Variants in PTK7 observed in about 807,000 individuals in gnomAD.
PTK7 encodes the protein inactive tyrosine-protein kinase 7.
In PTK7, 39 loss-of-function variants were observed where a neutral mutation model predicts 116.6. The ratio of observed to expected loss-of-function variants is 0.33; its 90% confidence interval spans 0.26 to 0.44. The LOEUF is 0.44. Ranked by LOEUF, PTK7 falls within the 20% of genes least tolerant of loss-of-function variation. PTK7 has a pLI of 1.00. For missense variants in PTK7, 1,169 were observed against 1,425.6 expected (o/e 0.82, Z 2.90); for synonymous variants, 546 against 563.6 (o/e 0.97, Z 0.44).
chr6:43,115,549 T>C (rs1030703660), intron 1 of PTK7, among the ~76,000 whole-genome samples: 1 of 152,150 alleles, frequency 6.6e-6, no homozygotes, highest in Non-Finnish European at 1.5e-5. Flanking sequence ...TCTGTTCCCC[T>C]TGTCTCCGGT....
intron 17 of PTK7, among the ~76,000 whole-genome samples, chr6:43,152,906 C>G (rs957938957): frequency 6.6e-6 from 1 of 151,676 alleles, no homozygotes; most frequent in African/African-American, 2.4e-5. Context: ...CTGCCTCGGC[C>G]CCCTGAGTAG....
intron 1 of PTK7, among the ~76,000 whole-genome samples, chr6:43,127,790 G>T (rs1469017300): frequency 6.6e-6 from 1 of 152,142 alleles, no homozygotes; most frequent in African/African-American, 2.4e-5. Flanking sequence ...TTAGCCAGGC[G>T]TGGTGGCGGG....
intron 7 of PTK7, among the ~76,000 whole-genome samples, chr6:43,135,062 G>A (rs530991851): frequency 1.2e-3 from 187 of 152,330 alleles, no homozygotes; most frequent in Non-Finnish European, 2.0e-3. Context: ...CCAGGTAGAT[G>A]TGTATTTAAC....
At chr6:43,159,636 A>G in intron 18 of PTK7, 152 bp from the exon 19 acceptor site, 1 of 737,646 alleles carries the variant, frequency 1.4e-6, no homozygotes, top group Non-Finnish European at 2.3e-6. Flanking sequence ...GTGTACTCCC[A>G]TGCTCAGCAC....
intron 1 of PTK7, among the ~76,000 whole-genome samples, chr6:43,095,631 G>A (rs1323623555): frequency 1.3e-5 from 2 of 152,246 alleles, no homozygotes; most frequent in Non-Finnish European, 2.9e-5. Flanking sequence ...TCTCCGCTTC[G>A]GTTGGCTTCC....
At chr6:43,078,093 A>G (rs1420940996) in intron 1 of PTK7, among the ~76,000 whole-genome samples, 3 of 152,246 alleles carry the variant, frequency 2.0e-5, no homozygotes, top group African/African-American at 2.4e-5. Flanking sequence ...GGTCTGCCCA[A>G]TGAGGCTGCC....
At chr6:43,140,469 AT>A (rs1266098835) in intron 10 of PTK7, among the ~76,000 whole-genome samples, 1 of 151,716 alleles carries the variant, frequency 6.6e-6, no homozygotes, top group South Asian at 2.1e-4. Flanking sequence ...AAAAAAAAAA[AT>A]ATTGGGAGAA....
In PTK7 at chr6:43,132,051, A is replaced by G. The variant is rs1769715280; in HGVS notation, c.848A>G (p.Asn283Ser). 4 of 1,614,060 alleles carry G rather than the reference A, an allele frequency of 2.5e-6. No homozygotes were observed. Among genetic ancestry groups the G allele is most frequent in the African/African-American group, 1.3e-5 (1 of 75,040 alleles). The change falls in exon 6 of 20, where the codon AAC becomes AGC. Residue 283 changes from asparagine to serine, a missense_variant. This residue lies in a region of PTK7 where 487 missense variants were observed against 549.8 expected (regional missense o/e 0.89). Coordinates refer to ENST00000230419, the MANE Select transcript of PTK7 (RefSeq NM_002821.5). ...PHLRRATVFA[N>S]GSLLLTQVRP... is the part of the protein sequence containing the mutation. ...CTCCGCAGAGCCACAGTGTTTGCCAACGGGTCTCTGCTGCTGACCCAGGTC... is the reference window on the plus strand; with the variant it reads ...CTCCGCAGAGCCACAGTGTTTGCCAGCGGGTCTCTGCTGCTGACCCAGGTC...
At chr6:43,153,749 A>T (rs1237824421) in intron 17 of PTK7, among the ~76,000 whole-genome samples, 4 of 152,090 alleles carry the variant, frequency 2.6e-5, no homozygotes, top group Non-Finnish European at 5.9e-5. Flanking sequence ...GTTTTAATTA[A>T]CTTAAAGCCA....
intron 1 of PTK7, among the ~76,000 whole-genome samples, chr6:43,110,378 C>T (rs890987937): frequency 1.3e-4 from 20 of 150,948 alleles, no homozygotes; most frequent in African/African-American, 4.4e-4. Context: ...AGAATTTTAG[C>T]AGGTTTTTTT....
chr6:43,159,741 G>A, intron 18 of PTK7, 47 bp from the exon 19 acceptor site: 1 of 1,596,566 alleles, frequency 6.3e-7, no homozygotes, highest in South Asian at 1.1e-5. Flanking sequence ...GCAGCGCCAG[G>A]CCACGCTCCC....
chr6:43,157,382 T>TC (rs1434256467), intron 17 of PTK7, among the ~76,000 whole-genome samples: 6 of 105,460 alleles, frequency 5.7e-5, no homozygotes, highest in African/African-American at 1.4e-4. Context: ...TTTTCTTTTT[T>TC]TTTTTTTTTT....
At chr6:43,114,352 GTC>G (rs370067302) in intron 1 of PTK7, among the ~76,000 whole-genome samples, 47 of 149,180 alleles carry the variant, frequency 3.2e-4, no homozygotes, top group African/African-American at 3.9e-4. Context: ...CTGTCTGTCT[GTC>G]TCTCTCTCTC....
rs536144922 is a variant in PTK7 at position 43,158,251 on chromosome 6, A to T, written c.2722-566A>T. 2.0e-5 allele frequency among the ~76,000 whole-genome samples: 3 copies of T among 151,828 alleles called. No homozygotes were observed. The East Asian group carries it at 5.8e-4, about 30-fold the overall frequency. On this transcript the variant is annotated intron_variant, in intron 17 of 19. Transcript: ENST00000230419. ...GAGGCAGAGCTTGAAGTGAGCCGAG[A>T]TCATGCCACTGCACTCCAGCCTGGG...
chr6:43,109,766 T>G (rs1768088364), intron 1 of PTK7, among the ~76,000 whole-genome samples: 1 of 151,378 alleles, frequency 6.6e-6, no homozygotes, highest in Non-Finnish European at 1.5e-5. Flanking sequence ...TGGCGTGATC[T>G]CAGCTCACTG....
intron 1 of PTK7, among the ~76,000 whole-genome samples, chr6:43,080,954 TACACACACACAC>T (rs59525398): frequency 6.7e-6 from 1 of 148,250 alleles, no homozygotes; most frequent in South Asian, 2.1e-4. Flanking sequence ...AAAAAAAAAA[TACACACACACAC>T]ACACACACAC....
intron 1 of PTK7, among the ~76,000 whole-genome samples, chr6:43,088,091 A>C (rs138095354): frequency 4.5e-4 from 68 of 151,840 alleles, no homozygotes; most frequent in African/African-American, 1.6e-3. Flanking sequence ...TGAGCCCAGG[A>C]ATTTGAGACT....
At position 43,141,737 on chromosome 6, in the gene PTK7, A is replaced by G; in HGVS notation, c.1688A>G (p.Asp563Gly). Residue 563 changes from aspartate (D) to glycine (G), a missense_variant, in exon 11 of 20, where the codon GAT (aspartate) becomes GGT (glycine). Transcript: ENST00000230419. The surrounding 1 kb of genome is among the most constrained non-coding windows in gnomAD (Gnocchi z 4.9). ...GTLHFARVTR[D>G]DAGNYTCIAS... is the part of the protein sequence containing the mutation. ...CTGCATTTTGCCCGGGTGACTCGAG[A>G]TGACGCTGGCAACTACACTTGCATT... 9 of 1,614,036 alleles carry G rather than the reference A, an allele frequency of 5.6e-6. No individual in the cohort carries two copies. The highest frequency in any genetic ancestry group is 7.6e-6 in the Non-Finnish European group (9 of 1,179,994).
chr6:43,119,635 A>G (rs1474523016), intron 1 of PTK7, among the ~76,000 whole-genome samples: 1 of 152,162 alleles, frequency 6.6e-6, no homozygotes, highest in African/African-American at 2.4e-5. Flanking sequence ...CTCTTGGATC[A>G]CTGGGAGCAC....
Sources: gnomAD v4.1 joint callset for allele counts (sites outside exome capture counted in the v4.1 genomes callset) on GRCh38, gnomAD v4.1.1 for gene constraint, gnomAD v4.1.1 regional missense constraint, Gnocchi (gnomAD v3.1) non-coding constraint, MANE v1.5 for transcripts, NCBI Gene and HGNC (gene_info 2026-07-23, HGNC 2026-07-21) for gene names.